PTPRG: variants seen among roughly 807,000 people sequenced by gnomAD.
PTPRG encodes receptor-type tyrosine-protein phosphatase gamma.
In PTPRG, 102 loss-of-function variants were observed where a neutral mutation model predicts 165.3. The observed-to-expected ratio is 0.62, with a 90% CI of 0.53 to 0.73. The LOEUF (loss-of-function observed/expected upper bound fraction) is 0.73. PTPRG is among the 30% of genes least tolerant of loss of function. The pLI is 0.00. For missense variants in PTPRG, 1,866 were observed against 1,861.4 expected (o/e 1.00, Z -0.05); for synonymous variants, 675 against 669.5 (o/e 1.01, Z -0.13).
At chr3:61,738,188 G>A (rs1415952230) in intron 1 of PTPRG, among the ~76,000 whole-genome samples, 4 of 147,956 alleles carry the variant, frequency 2.7e-5, no homozygotes, top group South Asian at 2.1e-4. Flanking sequence ...ATGAGCCACC[G>A]CGCCCGGCCT....
At chr3:61,856,281 A>G (rs1402098747) in intron 2 of PTPRG, among the ~76,000 whole-genome samples, 2 of 152,128 alleles carry the variant, frequency 1.3e-5, no homozygotes. Flanking sequence ...TGGAAGCCTC[A>G]TACCCATTGA....
At chr3:62,191,716 C>G in intron 9 of PTPRG, 63 bp downstream of exon 9, 1 of 1,464,380 alleles carries the variant, frequency 6.8e-7, no homozygotes, top group South Asian at 1.3e-5. Flanking sequence ...CTGCAGCTCT[C>G]TGCCAGGCAC....
intron 4 of PTPRG, among the ~76,000 whole-genome samples, chr3:62,028,233 A>G (rs1202178627): frequency 2.0e-5 from 3 of 152,164 alleles, no homozygotes; most frequent in Non-Finnish European, 4.4e-5. Context: ...TTTGTCATAA[A>G]GAGCTCTTCA....
chr3:62,234,829 T>A (rs1700987472), intron 14 of PTPRG, among the ~76,000 whole-genome samples: 1 of 152,152 alleles, frequency 6.6e-6, no homozygotes, highest in South Asian at 2.1e-4. Flanking sequence ...TAAAAGTCTC[T>A]CCATTCTGAG....
At chr3:61,612,450 T>C (rs1166610195) in intron 1 of PTPRG, among the ~76,000 whole-genome samples, 1 of 152,234 alleles carries the variant, frequency 6.6e-6, no homozygotes, top group Non-Finnish European at 1.5e-5. Context: ...AGTTCAGTTG[T>C]AGGTAGTTCT....
intron 1 of PTPRG, among the ~76,000 whole-genome samples, chr3:61,649,514 C>T (rs1163173416): frequency 1.3e-5 from 2 of 152,130 alleles, no homozygotes; most frequent in Non-Finnish European, 2.9e-5. Context: ...GTGAACCAAA[C>T]ACTATCTGAA....
At chr3:61,852,193 T>A (rs1333915035) in intron 2 of PTPRG, among the ~76,000 whole-genome samples, 3 of 152,236 alleles carry the variant, frequency 2.0e-5, no homozygotes, top group Non-Finnish European at 4.4e-5. Context: ...TCTCTCTCTT[T>A]GCGTCTGTCC....
intron 6 of PTPRG, among the ~76,000 whole-genome samples, chr3:62,138,567 C>T (rs1015831439): frequency 2.6e-5 from 4 of 151,856 alleles, no homozygotes; most frequent in Non-Finnish European, 5.9e-5. Flanking sequence ...AAAAATACAA[C>T]AATTAGCCAG....
At chr3:61,694,711 G>T (rs941100975) in intron 1 of PTPRG, among the ~76,000 whole-genome samples, 2 of 152,164 alleles carry the variant, frequency 1.3e-5, no homozygotes, top group African/African-American at 2.4e-5. Flanking sequence ...AGTGGGGCAC[G>T]ATGTAGCCAT....
intron 2 of PTPRG, among the ~76,000 whole-genome samples, chr3:61,794,596 G>C (rs1575669000): frequency 1.3e-5 from 2 of 152,302 alleles, no homozygotes; most frequent in African/African-American, 4.8e-5. Flanking sequence ...AGCATGCTTT[G>C]CTTACACCAG....
chr3:62,157,318 G>A, intron 7 of PTPRG, 94 bp downstream of exon 7: 5 of 1,330,654 alleles, frequency 3.8e-6, no homozygotes, highest in Non-Finnish European at 5.2e-6. Context: ...TAAGGAATTT[G>A]TTCTTGATCC....
intron 2 of PTPRG, among the ~76,000 whole-genome samples, chr3:61,860,292 G>T (rs1478602588): frequency 6.6e-6 from 1 of 152,048 alleles, no homozygotes; most frequent in Non-Finnish European, 1.5e-5. Context: ...AATGAGAATT[G>T]ATTTTGTCCT....
intron 1 of PTPRG, among the ~76,000 whole-genome samples, chr3:61,708,485 G>A (rs1057359268): frequency 4.4e-5 from 5 of 114,918 alleles, no homozygotes; most frequent in Non-Finnish European, 8.1e-5. Flanking sequence ...ACAGAGTCTC[G>A]CTCTCTTGCT....
intron 4 of PTPRG, among the ~76,000 whole-genome samples, chr3:62,012,472 A>G (rs762058775): frequency 2.0e-5 from 3 of 152,006 alleles, no homozygotes; most frequent in Non-Finnish European, 4.4e-5. Flanking sequence ...TAATTTTTAA[A>G]TTTTTTTTAT....
At chr3:61,604,843 T>C (rs9832251) in intron 1 of PTPRG, among the ~76,000 whole-genome samples, 24,701 of 152,080 alleles carry the variant, frequency 0.16, 2,912 homozygotes, top group African/African-American at 0.33. Context: ...ATAAAACTCC[T>C]TGTAGATTCA....
At position 62,062,225 on chromosome 3, in the gene PTPRG, G is replaced by T. The variant is rs529704980; in HGVS notation, c.520-15938G>T. On this transcript the variant is annotated intron_variant, in intron 4 of 29. Transcript: ENST00000474889. ...GAGGCAGGAGAATATCTTGAACCTG[G>T]GAGGTGGAGGTTGCTGTGAGCCGAG... 1.8e-4 allele frequency among the ~76,000 whole-genome samples: 15 copies of T among 82,802 alleles called. No homozygotes were observed. In the South Asian group the frequency reaches 0.011, roughly 61 times the overall value. The allele number at this position is 82,802 out of a possible 152,430, so 54.3% of individuals were successfully genotyped here. A position where few individuals can be genotyped will look rare whatever the true frequency, so the allele number is the denominator to read the frequency against.
chr3:61,672,757 AGGGAGAAGAGGGAGAGGGAG>A (rs1209558171), intron 1 of PTPRG, among the ~76,000 whole-genome samples: 29 of 128,378 alleles, frequency 2.3e-4, no homozygotes, highest in Middle Eastern at 3.9e-3. Flanking sequence ...GGAGAGGGAG[AGGGAGAAGAGGGAGAGGGAG>A]AGAGGGAGAG....
At chr3:61,629,301 C>T (rs1701701558) in intron 1 of PTPRG, among the ~76,000 whole-genome samples, 1 of 152,026 alleles carries the variant, frequency 6.6e-6, no homozygotes, top group African/African-American at 2.4e-5. Context: ...ATTACAGGCA[C>T]CCACCACCAT....
At chr3:61,874,403 C>T (rs1157699056) in intron 2 of PTPRG, among the ~76,000 whole-genome samples, 2 of 152,170 alleles carry the variant, frequency 1.3e-5, no homozygotes, top group Non-Finnish European at 2.9e-5. Context: ...TATTTAAAGG[C>T]ACCAGGATAA....
Sources: allele counts gnomAD v4.1 joint callset (sites outside exome capture counted in the v4.1 genomes callset), GRCh38; gene constraint gnomAD v4.1.1; transcripts MANE v1.5; gene names NCBI Gene and HGNC (gene_info 2026-07-23, HGNC 2026-07-21).